XKR9: variants seen among roughly 807,000 people sequenced by gnomAD.
XKR9 encodes the protein XK related 9.
Under a neutral mutation model 32.0 loss-of-function variants are expected in XKR9, and 32 were observed. That is an observed-to-expected ratio of 1.00 (90% CI 0.76 to 1.34). The LOEUF (loss-of-function observed/expected upper bound fraction) is 1.34, where lower values mean the gene tolerates loss of function less well. XKR9 is among the 40% of genes most tolerant of loss of function. The pLI, the probability that XKR9 is intolerant of heterozygous loss-of-function variation, is 0.00. For synonymous variants in XKR9, 168 were observed against 143.4 expected (o/e 1.17, Z -1.22); for missense variants, 546 against 429.7 (o/e 1.27, Z -2.39).
At chr8:70,891,803 G>A in the XKR9 span, among the ~76,000 whole-genome samples, 1 of 152,114 alleles carries the variant, frequency 6.6e-6, no homozygotes, top group Non-Finnish European at 1.5e-5. Flanking sequence ...TAAATCCAAT[G>A]TTTCTTTTGA....
At chr8:70,819,375 A>T in the XKR9 span, among the ~76,000 whole-genome samples, 1 of 152,240 alleles carries the variant, frequency 6.6e-6, no homozygotes, top group Non-Finnish European at 1.5e-5. Flanking sequence ...TACCTCTTAG[A>T]AGTTTCCAGC....
the XKR9 span, among the ~76,000 whole-genome samples, chr8:70,838,718 T>TCAAGGTCA: frequency 6.6e-6 from 1 of 152,254 alleles, no homozygotes; most frequent in Admixed American, 6.5e-5. Context: ...CTTAATTTAG[T>TCAAGGTCA]CAAGGTCACA....
At chr8:71,052,829 A>G in the XKR9 span, among the ~76,000 whole-genome samples, 7 of 152,288 alleles carry the variant, frequency 4.6e-5, no homozygotes, top group Admixed American at 6.5e-5. Context: ...TACAGGCCCC[A>G]TGGCAGGCTG....
the XKR9 span, among the ~76,000 whole-genome samples, chr8:70,902,965 C>T: frequency 6.6e-6 from 1 of 152,096 alleles, no homozygotes; most frequent in Admixed American, 6.5e-5. Context: ...TATGTTGAAC[C>T]AGCCTTGCAT....
the XKR9 span, among the ~76,000 whole-genome samples, chr8:70,889,127 A>T: frequency 1.3e-5 from 2 of 150,808 alleles, no homozygotes; most frequent in African/African-American, 4.9e-5. Flanking sequence ...AATTTCTTTC[A>T]TCAGTGTTTT....
chr8:70,964,125 T>C, the XKR9 span, among the ~76,000 whole-genome samples: 2 of 152,208 alleles, frequency 1.3e-5, no homozygotes, highest in Admixed American at 1.3e-4. Flanking sequence ...TCAGTCCATC[T>C]TGAGTTAACT....
At chr8:70,971,399 C>T in the XKR9 span, among the ~76,000 whole-genome samples, 29 of 151,302 alleles carry the variant, frequency 1.9e-4, no homozygotes, top group Admixed American at 1.8e-3. Flanking sequence ...AGATTTCCTC[C>T]CACTGTGTGG....
intron 3 of XKR9, 91 bp downstream of exon 3, chr8:70,681,421 A>G: frequency 1.4e-6 from 2 of 1,427,538 alleles, no homozygotes; most frequent in Non-Finnish European, 1.9e-6. Flanking sequence ...CAAATGTACA[A>G]AGATCCCTTA....
chr8:70,948,630 C>T, the XKR9 span, among the ~76,000 whole-genome samples: 1 of 152,184 alleles, frequency 6.6e-6, no homozygotes, highest in Non-Finnish European at 1.5e-5. Flanking sequence ...CTAAGCTAAC[C>T]TGACATAACC....
the XKR9 span, among the ~76,000 whole-genome samples, chr8:70,965,612 T>C: frequency 6.6e-6 from 1 of 152,206 alleles, no homozygotes; most frequent in Non-Finnish European, 1.5e-5. Context: ...GGCTGTTTAT[T>C]ACTGACTGAA....
the XKR9 span, among the ~76,000 whole-genome samples, chr8:71,010,679 G>A: frequency 1.3e-4 from 20 of 152,272 alleles, no homozygotes; most frequent in African/African-American, 4.8e-4. Flanking sequence ...TTGCAAAGTG[G>A]GGGCCCTTTT....
chr8:70,675,374 G>A (rs1818850317), intron 2 of XKR9, among the ~76,000 whole-genome samples: 1 of 152,124 alleles, frequency 6.6e-6, no homozygotes, highest in Non-Finnish European at 1.5e-5. Flanking sequence ...ATTAGCACTT[G>A]GCTCCCTTTT....
intron 1 of XKR9, among the ~76,000 whole-genome samples, chr8:70,671,863 C>T (rs1163890632): frequency 9.7e-6 from 1 of 103,480 alleles, no homozygotes; most frequent in Non-Finnish European, 2.4e-5. Context: ...TAAGCAACTT[C>T]AGCAAAGTCT....
chr8:70,888,508 C>T, the XKR9 span, among the ~76,000 whole-genome samples: 1 of 151,772 alleles, frequency 6.6e-6, no homozygotes, highest in African/African-American at 2.4e-5. Context: ...CTTTTGAGGT[C>T]TCATTTATAA....
the XKR9 span, among the ~76,000 whole-genome samples, chr8:71,054,058 CAGAT>C: frequency 6.6e-6 from 1 of 152,160 alleles, no homozygotes; most frequent in East Asian, 1.9e-4. Context: ...AGTTGAACCC[CAGAT>C]AACTGCAGCC....
intron 4 of XKR9, among the ~76,000 whole-genome samples, chr8:70,714,129 T>C (rs1373481): frequency 0.89 from 134,831 of 151,976 alleles, 60,094 homozygotes; most frequent in East Asian, 0.97. Flanking sequence ...TTTCTAATGT[T>C]TCTCTTTTTA....
At chr8:71,009,556 T>C in the XKR9 span, among the ~76,000 whole-genome samples, 1 of 152,156 alleles carries the variant, frequency 6.6e-6, no homozygotes, top group Non-Finnish European at 1.5e-5. Flanking sequence ...CTTAGGATTG[T>C]TTTGGGGTTG....
At chr8:71,031,800 T>G in the XKR9 span, among the ~76,000 whole-genome samples, 483 of 152,344 alleles carry the variant, frequency 3.2e-3, 2 homozygotes, top group African/African-American at 0.011. Context: ...ACAACCAATT[T>G]ACATTTCCAT....
the XKR9 span, among the ~76,000 whole-genome samples, chr8:70,860,934 A>G: frequency 6.6e-6 from 1 of 152,092 alleles, no homozygotes; most frequent in African/African-American, 2.4e-5. Context: ...TGAAGTACTA[A>G]ACACAGCACT....
Sources: allele counts gnomAD v4.1 joint callset (sites outside exome capture counted in the v4.1 genomes callset), GRCh38; gene constraint gnomAD v4.1.1; transcripts MANE v1.5; gene names NCBI Gene and HGNC (gene_info 2026-07-23, HGNC 2026-07-21).